Variants in ASS1 observed in about 807,000 individuals in gnomAD.
ASS1 encodes argininosuccinate synthase 1, also known as argininosuccinate synthase.
ASS1 carries 58 observed loss-of-function variants against 60.5 expected under a neutral mutation model. That is an observed-to-expected ratio of 0.96 (90% confidence interval 0.78 to 1.19). ASS1 has a LOEUF of 1.19. Ranked by LOEUF, ASS1 falls within the 50% of genes most tolerant of loss-of-function variation. The pLI, the probability that ASS1 is intolerant of heterozygous loss-of-function variation, is 0.00. For missense variants in ASS1, 454 were observed against 547.3 expected, an observed-to-expected ratio of 0.83 and a Z score of 1.70; for synonymous variants, 200 against 206.9, an observed-to-expected ratio of 0.97 and a Z score of 0.29.
intron 3 of ASS1, among the ~76,000 whole-genome samples, chr9:130,456,328 C>T (rs1588474299): frequency 6.6e-6 from 1 of 151,708 alleles, no homozygotes; most frequent in Non-Finnish European, 1.5e-5. Flanking sequence ...TAGCTGGGCG[C>T]GATGGTGGGT....
At chr9:130,455,378 C>A (rs775446144) in intron 3 of ASS1, among the ~76,000 whole-genome samples, 11 of 151,800 alleles carry the variant, frequency 7.2e-5, no homozygotes, top group Non-Finnish European at 1.6e-4. Flanking sequence ...ATCCAGACAG[C>A]CAGCCATTCA....
intron 8 of ASS1, among the ~76,000 whole-genome samples, chr9:130,474,428 A>G (rs1564153369): frequency 6.6e-6 from 1 of 152,046 alleles, no homozygotes; most frequent in Non-Finnish European, 1.5e-5. Flanking sequence ...GAAAGTGACA[A>G]GCAACGCATT....
chr9:130,460,551 A>C (rs1481487611), intron 4 of ASS1, among the ~76,000 whole-genome samples: 1 of 152,160 alleles, frequency 6.6e-6, no homozygotes, highest in Non-Finnish European at 1.5e-5. Flanking sequence ...AGAGGAGTGA[A>C]TAATGGCATG....
intron 4 of ASS1, among the ~76,000 whole-genome samples, chr9:130,462,490 C>A (rs938582152): frequency 2.0e-4 from 31 of 152,050 alleles, no homozygotes; most frequent in African/African-American, 7.5e-4. Context: ...ACCAAGGAAG[C>A]GTTTGTTTGG....
chr9:130,465,725 G>T (rs1273769993), intron 5 of ASS1, among the ~76,000 whole-genome samples: 1 of 152,262 alleles, frequency 6.6e-6, no homozygotes, highest in South Asian at 2.1e-4. Flanking sequence ...TTAACCAGCT[G>T]GTAGCTCTTG....
intron 4 of ASS1, among the ~76,000 whole-genome samples, chr9:130,462,112 C>T (rs1845610804): frequency 6.6e-6 from 1 of 152,140 alleles, no homozygotes; most frequent in African/African-American, 2.4e-5. Context: ...ACCCAGAGAG[C>T]TGCACCGAAG....
chr9:130,445,687 G>C (rs948673932), intron 1 of ASS1, among the ~76,000 whole-genome samples: 1 of 152,216 alleles, frequency 6.6e-6, no homozygotes, highest in African/African-American at 2.4e-5. Context: ...TGTTGCCTTT[G>C]GCCCCTGGGC....
intron 3 of ASS1, 69 bp downstream of exon 3, chr9:130,454,442 C>T: frequency 2.0e-6 from 3 of 1,469,124 alleles, no homozygotes; most frequent in Middle Eastern, 1.7e-4. Flanking sequence ...GGTGGATGCT[C>T]CTGCCCCAGG....
intron 4 of ASS1, among the ~76,000 whole-genome samples, chr9:130,463,580 A>C (rs1845655928): frequency 6.6e-6 from 1 of 152,128 alleles, no homozygotes; most frequent in Admixed American, 6.5e-5. Context: ...CTGAGGAGCA[A>C]AAGGCCCTCA....
intron 5 of ASS1, chr9:130,466,500 A>C (rs920605856): frequency 1.5e-5 from 9 of 601,954 alleles, no homozygotes; most frequent in African/African-American, 3.7e-5. Flanking sequence ...ACACACCACC[A>C]TTCTGCCATG....
chr9:130,473,677 C>T (rs1845930129), intron 8 of ASS1, among the ~76,000 whole-genome samples: 4 of 152,182 alleles, frequency 2.6e-5, no homozygotes, highest in South Asian at 4.1e-4. Context: ...CTGGGGAACC[C>T]GTGCCCCTCC....
chr9:130,495,472 TACACACACAC>T (rs71499245), intron 13 of ASS1, among the ~76,000 whole-genome samples: 2 of 146,800 alleles, frequency 1.4e-5, no homozygotes, highest in African/African-American at 2.6e-5. Flanking sequence ...CACATACATA[TACACACACAC>T]ACACACACAC....
At chr9:130,449,680 G>T (rs906993224) in intron 1 of ASS1, among the ~76,000 whole-genome samples, 3 of 152,260 alleles carry the variant, frequency 2.0e-5, no homozygotes, top group Admixed American at 6.5e-5. Flanking sequence ...CAAACGAGAT[G>T]CAGGGCAAGT....
At chr9:130,500,016 G>A (rs1478310782) in intron 14 of ASS1, among the ~76,000 whole-genome samples, 4 of 152,204 alleles carry the variant, frequency 2.6e-5, no homozygotes, top group Non-Finnish European at 4.4e-5. Flanking sequence ...GGTGGTGCAC[G>A]TCATCTGAAG....
chr9:130,468,331 C>T (rs556519277), intron 6 of ASS1, among the ~76,000 whole-genome samples: 39 of 152,280 alleles, frequency 2.6e-4, no homozygotes, highest in African/African-American at 8.9e-4. Flanking sequence ...GCATTTGCTT[C>T]GCTGGCCATC....
chr9:130,484,782 A>G (rs1262972339), intron 11 of ASS1, among the ~76,000 whole-genome samples: 1 of 149,316 alleles, frequency 6.7e-6, no homozygotes, highest in Non-Finnish European at 1.5e-5. Flanking sequence ...TGGAGAGGAG[A>G]GGGAAGAGCT....
chr9:130,458,158 C>CAAAA (rs5900899), intron 3 of ASS1, among the ~76,000 whole-genome samples: 1 of 105,326 alleles, frequency 9.5e-6, no homozygotes. Flanking sequence ...GACTTCGACT[C>CAAAA]AAAAAAAAAA....
chr9:130,473,252 G>A (rs767689004), intron 8 of ASS1, among the ~76,000 whole-genome samples: 2 of 152,134 alleles, frequency 1.3e-5, no homozygotes, highest in Admixed American at 1.3e-4. Flanking sequence ...AGTACTCCTT[G>A]CCCAAAGTGG....
At chr9:130,449,509 G>T (rs1845276941) in intron 1 of ASS1, among the ~76,000 whole-genome samples, 1 of 152,040 alleles carries the variant, frequency 6.6e-6, no homozygotes, top group South Asian at 2.1e-4. Flanking sequence ...AGGAGCAGGG[G>T]TGACTCTCAG....
Sources: allele counts gnomAD v4.1 joint callset (sites outside exome capture counted in the v4.1 genomes callset), GRCh38; gene constraint gnomAD v4.1.1; transcripts MANE v1.5; gene names NCBI Gene and HGNC (gene_info 2026-07-23, HGNC 2026-07-21).